Variants in SDK1 observed in about 807,000 individuals in gnomAD.
SDK1 encodes sidekick cell adhesion molecule 1.
A neutral mutation model predicts 245.5 loss-of-function variants in SDK1; 157 were observed. The ratio of observed to expected loss-of-function variants is 0.64; its 90% CI spans 0.56 to 0.73. The LOEUF is 0.73. Ranked by LOEUF, SDK1 falls within the 30% of genes least tolerant of loss-of-function variation. The probability of loss-of-function intolerance (pLI) is 0.00; values close to 1 mark genes in which losing one functional copy is unlikely to be tolerated. For missense variants in SDK1, 3,583 were observed against 3,002.3 expected (o/e 1.19, Z -4.52); for synonymous variants, 1,647 against 1,278.5 (o/e 1.29, Z -6.15).
At chr7:4,229,821 C>T (rs1166050375) in intron 40 of SDK1, among the ~76,000 whole-genome samples, 1 of 151,916 alleles carries the variant, frequency 6.6e-6, no homozygotes, top group Admixed American at 6.6e-5. Flanking sequence ...ACAATTCATT[C>T]AATATATAAA....
intron 1 of SDK1, among the ~76,000 whole-genome samples, chr7:3,321,700 C>A (rs1779807149): frequency 1.1e-5 from 1 of 92,720 alleles, no homozygotes; most frequent in Non-Finnish European, 2.1e-5. Flanking sequence ...CCTTCTCCTC[C>A]TCCTCCTCCC....
chr7:3,534,766 C>G (rs552558947), intron 1 of SDK1, among the ~76,000 whole-genome samples: 2 of 152,180 alleles, frequency 1.3e-5, no homozygotes, highest in South Asian at 2.1e-4. Flanking sequence ...GAAAAGCAGC[C>G]CCAAATCATT....
intron 1 of SDK1, among the ~76,000 whole-genome samples, chr7:3,561,346 G>A (rs11531493): frequency 0.24 from 36,980 of 152,100 alleles, 4,719 homozygotes; most frequent in East Asian, 0.36. Flanking sequence ...TTCCTTGGGC[G>A]TCAGGGATGG....
intron 1 of SDK1, among the ~76,000 whole-genome samples, chr7:3,409,508 A>C (rs2128576831): frequency 6.6e-6 from 1 of 152,212 alleles, no homozygotes; most frequent in South Asian, 2.1e-4. Context: ...AATTTTATAC[A>C]AATTACACCG....
intron 4 of SDK1, among the ~76,000 whole-genome samples, chr7:3,758,267 A>C (rs759450968): frequency 6.6e-6 from 1 of 152,142 alleles, no homozygotes; most frequent in Non-Finnish European, 1.5e-5. Flanking sequence ...GCTCTTGCTT[A>C]CAGCATTTCT....
intron 1 of SDK1, among the ~76,000 whole-genome samples, chr7:3,488,911 G>A (rs1389065617): frequency 6.7e-6 from 1 of 150,368 alleles, no homozygotes. Flanking sequence ...CTCCGTGTGT[G>A]TGTGTGTGTG....
chr7:3,721,016 C>A (rs1340459389), intron 4 of SDK1, among the ~76,000 whole-genome samples: 3 of 152,132 alleles, frequency 2.0e-5, no homozygotes, highest in Non-Finnish European at 4.4e-5. Flanking sequence ...CCGCATGAGT[C>A]CATTTAGATT....
At chr7:3,815,921 A>C (rs1370509271) in intron 4 of SDK1, among the ~76,000 whole-genome samples, 17 of 145,286 alleles carry the variant, frequency 1.2e-4, no homozygotes, top group Non-Finnish European at 1.6e-4. Context: ...CAATCAAACT[A>C]GAACTCAAGA....
intron 5 of SDK1, among the ~76,000 whole-genome samples, chr7:3,904,733 C>T (rs1381599062): frequency 6.6e-6 from 1 of 152,044 alleles, no homozygotes; most frequent in Non-Finnish European, 1.5e-5. Flanking sequence ...GTGGCTCACG[C>T]CTGTAATCCC....
chr7:3,696,244 G>C (rs191626152), intron 4 of SDK1, among the ~76,000 whole-genome samples: 3 of 152,190 alleles, frequency 2.0e-5, no homozygotes, highest in African/African-American at 7.2e-5. Flanking sequence ...TGTGGTCCTT[G>C]TTCAGATCCA....
At chr7:3,540,579 T>A (rs936778194) in intron 1 of SDK1, among the ~76,000 whole-genome samples, 1 of 152,206 alleles carries the variant, frequency 6.6e-6, no homozygotes, top group African/African-American at 2.4e-5. Context: ...TTGATGGACA[T>A]CTGCTATGAT....
At position 3,355,879 on chromosome 7, in the gene SDK1, A is replaced by T. The variant is rs531587499; in HGVS notation, c.298+53995A>T. Among the ~76,000 whole-genome samples the T allele has an allele frequency of 3.3e-5, 5 of 152,298 alleles. No homozygotes were observed. In the South Asian group the frequency reaches 1.0e-3, roughly 32 times the overall value. ...AGCATGTCTGCAGTCTTCCCTCTAG[A>T]GTGAACTTGATCCTGCTGTTTGTTC... On this transcript the variant is annotated intron_variant, in intron 1 of 44. Transcript: ENST00000404826.
At chr7:3,887,862 T>C (rs1280626464) in intron 5 of SDK1, among the ~76,000 whole-genome samples, 2 of 152,226 alleles carry the variant, frequency 1.3e-5, no homozygotes, top group African/African-American at 4.8e-5. Context: ...ATTTCAATAT[T>C]TCTTTCCGCC....
chr7:4,071,277 G>T (rs111259492), intron 20 of SDK1, among the ~76,000 whole-genome samples: 3 of 151,054 alleles, frequency 2.0e-5, no homozygotes, highest in African/African-American at 4.9e-5. Flanking sequence ...CACCCACTTC[G>T]GCCTCCCAAA....
Position 4,206,125 on chromosome 7 carries a change from G to T in SDK1, c.5214+131G>T, listed in dbSNP as rs75403787. 1.2e-3 allele frequency: 788 copies of T among 638,262 alleles called. 2 individuals carry two copies. In the African/African-American group the frequency reaches 0.013, roughly 11 times the overall value. The allele number at this position is 638,262 out of a possible 1,614,324, so 39.5% of individuals were successfully genotyped here. ...CTGGAGAGCTGGGGCCCAAGCGTCG[G>T]AGCTTGGCTAGACCTGGCCTGTTAA... On this transcript the variant is annotated intron_variant, in intron 36 of 44. Coordinates refer to ENST00000404826, the MANE Select transcript of SDK1 (RefSeq NM_152744.4).
Position 3,771,840 on chromosome 7 carries a change from AC to A in SDK1, c.714-49604del, listed in dbSNP as rs771274184. Among the ~76,000 whole-genome samples the A allele has an allele frequency of 5.3e-5, 8 of 152,056 alleles. No individual in the cohort carries two copies. The South Asian group carries it at 1.5e-3, about 28-fold the overall frequency. Reference sequence around the variant, plus strand: ...ACGTTCATATTGTTGTACAACCATCACCCCCCATCCATCTCCAGAACTCTTT... The same window carrying A: ...ACGTTCATATTGTTGTACAACCATCACCCCCATCCATCTCCAGAACTCTTT... On this transcript the variant is annotated intron_variant, in intron 4 of 44. Transcript: ENST00000404826.
intron 44 of SDK1, among the ~76,000 whole-genome samples, chr7:4,254,082 A>G (rs1056847591): frequency 6.6e-6 from 1 of 151,910 alleles, no homozygotes; most frequent in Non-Finnish European, 1.5e-5. Context: ...CTATAGCTGT[A>G]TTTCTTCCTT....
intron 1 of SDK1, among the ~76,000 whole-genome samples, chr7:3,579,521 C>T (rs866022621): frequency 6.6e-6 from 1 of 152,134 alleles, no homozygotes; most frequent in Admixed American, 6.5e-5. Context: ...TGAAGGAAAA[C>T]CTCAAAATAA....
At chr7:3,453,787 C>T (rs1372837138) in intron 1 of SDK1, among the ~76,000 whole-genome samples, 2 of 152,052 alleles carry the variant, frequency 1.3e-5, no homozygotes, top group African/African-American at 4.8e-5. Flanking sequence ...TGCTATATTG[C>T]CCAGGCTGGT....
Sources: gnomAD v4.1 joint callset for allele counts (sites outside exome capture counted in the v4.1 genomes callset) on GRCh38, gnomAD v4.1.1 for gene constraint, MANE v1.5 for transcripts, NCBI Gene and HGNC (gene_info 2026-07-23, HGNC 2026-07-21) for gene names.